The following KLRG1 variants were observed in gnomAD, a reference collection of about 807,000 sequenced individuals.
The protein encoded by KLRG1 is killer cell lectin-like receptor subfamily G member 1.
Under a neutral mutation model 21.8 loss-of-function variants are expected in KLRG1, and 16 were observed. That is an observed-to-expected ratio of 0.73 (90% CI 0.50 to 1.11). The LOEUF is 1.11. Among genes scored for constraint, KLRG1 ranks in the 50% most tolerant of loss-of-function variants. KLRG1 has a pLI of 0.00. For synonymous variants in KLRG1, 69 were observed against 75.9 expected (o/e 0.91, Z 0.47); for missense variants, 173 against 218.3 (o/e 0.79, Z 1.31).
At chr12:9,196,427 G>A in the KLRG1 span, 2 of 1,612,112 alleles carry the variant, frequency 1.2e-6, no homozygotes, top group South Asian at 2.2e-5. Context: ...CCTGTTTGCA[G>A]TGACTTCCAG....
the KLRG1 span, among the ~76,000 whole-genome samples, chr12:9,095,236 G>T: frequency 6.6e-6 from 1 of 152,092 alleles, no homozygotes. Flanking sequence ...ATATACTTAA[G>T]GATGTAATTT....
the KLRG1 span, chr12:9,089,101 C>T: frequency 1.0e-6 from 1 of 968,628 alleles, no homozygotes; most frequent in African/African-American, 1.7e-5. Flanking sequence ...TGCTTCAGGT[C>T]TTAGATCACA....
chr12:9,128,056 C>G, the KLRG1 span: 1 of 222,828 alleles, frequency 4.5e-6, no homozygotes, highest in African/African-American at 2.3e-5. Context: ...AAGGCCTGCG[C>G]AGGGCGCCCG....
the KLRG1 span, chr12:9,089,836 A>C: frequency 1.0e-6 from 1 of 1,003,508 alleles, no homozygotes; most frequent in African/African-American, 1.6e-5. Context: ...AAATATCCAT[A>C]TATTATTATA....
At chr12:8,994,506 T>G (rs1192124653) in intron 2 of KLRG1, among the ~76,000 whole-genome samples, 1 of 152,228 alleles carries the variant, frequency 6.6e-6, no homozygotes, top group East Asian at 1.9e-4. Flanking sequence ...AAAACCCTTT[T>G]GAAAAATATC....
At chr12:8,977,505 C>A (rs1565540822) in intron 1 of KLRG1, among the ~76,000 whole-genome samples, 1 of 152,002 alleles carries the variant, frequency 6.6e-6, no homozygotes, top group Non-Finnish European at 1.5e-5. Context: ...TGAGCCACCA[C>A]ACCTGGCCTA....
At chr12:9,150,020 ATCTT>A in the KLRG1 span, among the ~76,000 whole-genome samples, 5 of 152,076 alleles carry the variant, frequency 3.3e-5, no homozygotes, top group African/African-American at 1.2e-4. Context: ...TCCAAATCAG[ATCTT>A]TCTTCCTGTT....
At chr12:9,196,458 C>A in the KLRG1 span, 2 of 1,590,004 alleles carry the variant, frequency 1.3e-6, no homozygotes, top group South Asian at 1.1e-5. Context: ...TATAAAGAGT[C>A]AGTACTTTTA....
the KLRG1 span, among the ~76,000 whole-genome samples, chr12:9,126,580 T>G: frequency 6.6e-6 from 1 of 152,214 alleles, no homozygotes; most frequent in Non-Finnish European, 1.5e-5. Context: ...ACTCCAGGTC[T>G]TTCAGTGGGC....
At chr12:9,202,281 T>C in the KLRG1 span, 10 of 1,547,936 alleles carry the variant, frequency 6.5e-6, no homozygotes, top group Non-Finnish European at 8.9e-6. Context: ...GTATTCCCAC[T>C]CTACCCACAA....
chr12:9,113,546 G>C, the KLRG1 span: 4 of 1,613,062 alleles, frequency 2.5e-6, no homozygotes, highest in Admixed American at 6.7e-5. Flanking sequence ...TATACTGCCT[G>C]GGAATGAGAC....
intron 3 of KLRG1, among the ~76,000 whole-genome samples, chr12:8,998,967 C>A (rs941485621): frequency 1.3e-5 from 2 of 151,992 alleles, no homozygotes; most frequent in African/African-American, 2.4e-5. Flanking sequence ...GTGATCCTCT[C>A]GCCTTGGTCT....
At chr12:9,020,320 A>C in the KLRG1 span, among the ~76,000 whole-genome samples, 1 of 152,298 alleles carries the variant, frequency 6.6e-6, no homozygotes, top group East Asian at 1.9e-4. Flanking sequence ...ATATCCATGA[A>C]ATCACCACCA....
the KLRG1 span, among the ~76,000 whole-genome samples, chr12:9,018,152 A>G: frequency 6.6e-6 from 1 of 152,206 alleles, no homozygotes; most frequent in Admixed American, 6.5e-5. Context: ...TATGGATTGG[A>G]AAAATCAACA....
the KLRG1 span, chr12:9,160,531 T>A: frequency 1.3e-6 from 2 of 1,576,864 alleles, no homozygotes; most frequent in Non-Finnish European, 1.7e-6. Context: ...TAATTTCAGT[T>A]CATAAATAGC....
chr12:9,023,138 C>A, the KLRG1 span, among the ~76,000 whole-genome samples: 1 of 152,202 alleles, frequency 6.6e-6, no homozygotes, highest in African/African-American at 2.4e-5. Flanking sequence ...CAGGCCACAT[C>A]CTGTGCTTGT....
chr12:8,975,435 C>G (rs988615449), intron 1 of KLRG1, among the ~76,000 whole-genome samples: 2 of 152,088 alleles, frequency 1.3e-5, no homozygotes, highest in African/African-American at 4.8e-5. Flanking sequence ...GTAGGTTATC[C>G]AATTTGTTGG....
At chr12:9,009,303 G>A in intron 4 of KLRG1, 123 bp from the exon 5 acceptor site, 2 of 1,250,360 alleles carry the variant, frequency 1.6e-6, no homozygotes, top group Non-Finnish European at 2.2e-6. Flanking sequence ...TTCTTCTGCT[G>A]TTTGGGGGAA....
the KLRG1 span, among the ~76,000 whole-genome samples, chr12:9,187,341 C>A: frequency 1.3e-5 from 2 of 152,080 alleles, no homozygotes. Flanking sequence ...ATCTGATAGA[C>A]ATCTACAAAA....
Sources: gnomAD v4.1 joint callset for allele counts (sites outside exome capture counted in the v4.1 genomes callset) on GRCh38, gnomAD v4.1.1 for gene constraint, MANE v1.5 for transcripts, NCBI Gene and HGNC (gene_info 2026-07-23, HGNC 2026-07-21) for gene names.